KCNT1: variants seen among roughly 807,000 people sequenced by gnomAD.
KCNT1 encodes the protein potassium channel subfamily T member 1.
A neutral mutation model predicts 147.8 loss-of-function variants in KCNT1; 78 were observed. The observed-to-expected ratio is 0.53, with a 90% CI of 0.44 to 0.64. KCNT1 has a LOEUF of 0.64. Ranked by LOEUF, KCNT1 falls within the 30% of genes least tolerant of loss-of-function variation. The probability of loss-of-function intolerance (pLI) is 0.00; values close to 1 mark genes in which losing one functional copy is unlikely to be tolerated. For synonymous variants in KCNT1, 867 were observed against 748.8 expected, an observed-to-expected ratio of 1.16 and a Z score of -2.58; for missense variants, 1,419 against 1,750.3, an observed-to-expected ratio of 0.81 and a Z score of 3.38.
chr9:135,768,640 C>T lies in KCNT1; in HGVS notation c.1368C>T (p.Leu456=), dbSNP rs373948466. The T allele has an allele frequency of 1.6e-5, 25 of 1,550,434 alleles. No homozygotes were observed. The highest frequency in any genetic ancestry group is 7.8e-5 in the Admixed American group (4 of 50,984). ...KMDNGEACFI[L]SSRNEVDRTA... ...ACAATGGGGAGGCCTGCTTCATCCTCAGCAGCAGGAACGAGGTGGACCGCA... is the reference window on the plus strand; with the variant it reads ...ACAATGGGGAGGCCTGCTTCATCCTTAGCAGCAGGAACGAGGTGGACCGCA... Residue 456 remains leucine (L), a synonymous_variant, in exon 14 of 31, where the codon CTC becomes CTT. Coordinates refer to ENST00000371757, the MANE Select transcript of KCNT1 (RefSeq NM_020822.3).
At chr9:135,757,100 C>CGGGGGGG in intron 7 of KCNT1, 56 bp from the exon 8 acceptor site, 1 of 775,832 alleles carries the variant, frequency 1.3e-6, no homozygotes, top group Non-Finnish European at 2.2e-6. Flanking sequence ...CCCTCCCCTG[C>CGGGGGGG]TGGGCCCCAC....
chr9:135,791,911 C>A (rs1398900862), intron 30 of KCNT1, 30 bp downstream of exon 30: 3 of 1,596,420 alleles, frequency 1.9e-6, no homozygotes, highest in Non-Finnish European at 8.5e-7. Flanking sequence ...TGTGTGGAGA[C>A]CCCCCCTGAG....
At chr9:135,735,711 G>C (rs540907685) in intron 2 of KCNT1, among the ~76,000 whole-genome samples, 2 of 152,286 alleles carry the variant, frequency 1.3e-5, no homozygotes, top group South Asian at 4.1e-4. Context: ...GGAAGAAATA[G>C]AGACAGATCC....
rs774643792 is a variant in KCNT1, at chr9:135,765,117, G to T, written c.1122G>T (p.Val374=). ...ACCGTGCGCAGACGGAGAAGCACGT[G>T]GTCCTGTGTGTCAGCTCCCTCAAGA... ...SRHRAQTEKH[V]VLCVSSLKID... is the part of the protein sequence containing the mutation. Residue 374 remains valine (V), a synonymous_variant, in exon 12 of 31, where the codon GTG becomes GTT. Coordinates refer to ENST00000371757, the MANE Select transcript of KCNT1 (RefSeq NM_020822.3). The T allele has an allele frequency of 2.4e-5, 39 of 1,613,428 alleles. No individual in the cohort carries two copies. Among genetic ancestry groups the T allele is most frequent in the Non-Finnish European group, 3.2e-5 (38 of 1,179,974 alleles).
chr9:135,777,530 G>GGCCCCC lies in KCNT1; in HGVS notation c.2522+20_2522+21insGCCCCC. ...CAACAAGTGAGGCTCCTGGGGCTCA[G>GGCCCCC]CCCACCCCGCCCACCCGGGCCCTCA... On this transcript the variant is annotated intron_variant, in intron 21 of 30. Coordinates refer to ENST00000371757, the MANE Select transcript of KCNT1 (RefSeq NM_020822.3). 2 of 1,588,516 alleles carry GGCCCCC rather than the reference G, an allele frequency of 1.3e-6. No individual in the cohort carries two copies. Among genetic ancestry groups the GGCCCCC allele is most frequent in the Non-Finnish European group, 1.7e-6 (2 of 1,167,042 alleles).
chr9:135,774,102 ACG>A (rs1331399644), intron 19 of KCNT1, among the ~76,000 whole-genome samples: 1 of 136,388 alleles, frequency 7.3e-6, no homozygotes, highest in Non-Finnish European at 1.6e-5. Context: ...TTGTGTGTCA[ACG>A]TGTGTTTGTC....
chr9:135,787,574 G>A (rs868820728), intron 29 of KCNT1, among the ~76,000 whole-genome samples: 20 of 152,304 alleles, frequency 1.3e-4, no homozygotes, highest in Non-Finnish European at 2.4e-4. Flanking sequence ...AGGAGCTCAC[G>A]GCTGGCCCAG....
chr9:135,743,698 C>T (rs528546529), intron 2 of KCNT1, among the ~76,000 whole-genome samples: 2 of 152,342 alleles, frequency 1.3e-5, no homozygotes, highest in South Asian at 4.1e-4. Flanking sequence ...GCGTCTGCAG[C>T]CGAGGCTATA....
At position 135,786,331 on chromosome 9, in the gene KCNT1, G is replaced by A. The variant is rs149416418; in HGVS notation, c.3312G>A (p.Leu1104=). 1,989 of 1,596,228 alleles carry A rather than the reference G, an allele frequency of 1.2e-3. 25 individuals carry two copies. The African/African-American group carries it at 0.022, about 18-fold the overall frequency. The change falls in exon 29 of 31, where the codon CTG becomes CTA. Residue 1104 remains leucine (L), a synonymous_variant. Coordinates refer to ENST00000371757, the MANE Select transcript of KCNT1 (RefSeq NM_020822.3). ...TGGGDPAEHP[L]LRRKSLQWAR... ...GCGGTGACCCCGCAGAGCACCCACT[G>A]CTACGGCGCAAGAGCCTGCAGTGGG...
chr9:135,725,596 T>G (rs553121980), intron 2 of KCNT1, among the ~76,000 whole-genome samples: 1 of 152,176 alleles, frequency 6.6e-6, no homozygotes, highest in Admixed American at 6.5e-5. Flanking sequence ...GCTGTAGTTT[T>G]GGGCACTCAG....
Position 135,787,984 on chromosome 9 carries a change from C to T in KCNT1, c.3502+1463C>T, listed in dbSNP as rs184671038. On this transcript the variant is annotated intron_variant, in intron 29 of 30. Transcript: ENST00000371757. ...TGGTGACCGACTCGCTTCTGGTGGC[C>T]GGCCTCCCGTGCAGCTGCCCCTGCA... is the stretch of plus-strand genomic sequence containing the variant. The T allele has an allele frequency of 3.3e-4, 250 of 757,970 alleles. 1 individual carries two copies. In the East Asian group the frequency reaches 4.7e-3, roughly 14 times the overall value. 47.0% of individuals were successfully genotyped at this position (757,970 alleles called of 1,614,324 possible). A position where few individuals can be genotyped will look rare whatever the true frequency, so the allele number is the denominator to read the frequency against.
chr9:135,735,345 C>T (rs529185918), intron 2 of KCNT1, among the ~76,000 whole-genome samples: 1 of 152,326 alleles, frequency 6.6e-6, no homozygotes, highest in South Asian at 2.1e-4. Context: ...GGGAGCAGGG[C>T]CCTGTGCCTC....
intron 29 of KCNT1, 29 bp from the exon 30 acceptor site, chr9:135,791,767 GT>G (rs1834550273): frequency 1.2e-6 from 2 of 1,601,660 alleles, no homozygotes; most frequent in East Asian, 2.2e-5. Context: ...GGCTGGGGGG[GT>G]GACGTCTGCC....
chr9:135,718,331 G>A (rs1835797938), intron 2 of KCNT1, among the ~76,000 whole-genome samples: 1 of 152,334 alleles, frequency 6.6e-6, no homozygotes, highest in African/African-American at 2.4e-5. Flanking sequence ...GGCGGGGTCT[G>A]GAGGCCATAG....
chr9:135,775,044 C>T (rs990298795), intron 19 of KCNT1, among the ~76,000 whole-genome samples: 16 of 152,190 alleles, frequency 1.1e-4, no homozygotes, highest in Non-Finnish European at 1.5e-5. Context: ...ACTGCCCTGA[C>T]TGCCCTGCAG....
chr9:135,755,984 GCATT>G, intron 6 of KCNT1, among the ~76,000 whole-genome samples: 1 of 141,166 alleles, frequency 7.1e-6, no homozygotes, highest in Non-Finnish European at 1.5e-5. Context: ...GACAAACCCA[GCATT>G]TACTGACCCA....
At position 135,714,582 on chromosome 9, in the gene KCNT1, C is replaced by T. The variant is rs201051863; in HGVS notation, c.116C>T (p.Pro39Leu). ...GCGCTGGCGTGTGCCCGCAGGCGGC[C>T]CTGCGCGGGGGACGGCGCGCTCCTG... Reference protein sequence around the residue: ...FDDGQCAPRRPCAGDGALLDT... With the variant: ...FDDGQCAPRRLCAGDGALLDT... The change falls in exon 2 of 31, where the codon CCC (proline) becomes CTC (leucine). Residue 39 changes from proline to leucine, a missense_variant. This residue lies in a region of KCNT1 where 181 missense variants were observed against 155.7 expected (regional missense o/e 1.16). Transcript: ENST00000371757. The surrounding 1 kb of genome is among the most constrained non-coding windows in gnomAD (Gnocchi z 6.2). The T allele has an allele frequency of 5.5e-3, 7,467 of 1,355,446 alleles. 34 individuals are homozygous for T. Among genetic ancestry groups the T allele is most frequent in the Non-Finnish European group, 6.4e-3 (6,624 of 1,037,798 alleles). 84.0% of individuals were successfully genotyped at this position (1,355,446 alleles called of 1,614,324 possible).
At chr9:135,705,469 C>G (rs1023019866) in intron 1 of KCNT1, among the ~76,000 whole-genome samples, 6 of 152,208 alleles carry the variant, frequency 3.9e-5, no homozygotes, top group Non-Finnish European at 8.8e-5. Context: ...ACCGTGGGCA[C>G]GTGTGTGAGA....
intron 1 of KCNT1, among the ~76,000 whole-genome samples, chr9:135,712,156 G>C (rs1835525216): frequency 6.6e-6 from 1 of 152,184 alleles, no homozygotes; most frequent in Admixed American, 6.5e-5. Context: ...GGCTGCCCCG[G>C]CCTTGTCTAG....
Sources: gnomAD v4.1 joint callset for allele counts (sites outside exome capture counted in the v4.1 genomes callset) on GRCh38, gnomAD v4.1.1 for gene constraint, gnomAD v4.1.1 regional missense constraint, Gnocchi (gnomAD v3.1) non-coding constraint, MANE v1.5 for transcripts, NCBI Gene and HGNC (gene_info 2026-07-23, HGNC 2026-07-21) for gene names.